Variants in CUBN observed in about 807,000 individuals in gnomAD.
CUBN encodes the protein 460 kDa receptor.
Under a neutral mutation model 405.3 loss-of-function variants are expected in CUBN, and 282 were observed. The ratio of observed to expected loss-of-function variants is 0.70; its 90% CI spans 0.63 to 0.77. The LOEUF (loss-of-function observed/expected upper bound fraction) is 0.77, where lower values mean the gene tolerates loss of function less well. CUBN is among the 30% of genes least tolerant of loss of function. The probability of loss-of-function intolerance (pLI) is 0.00; values close to 1 mark genes in which losing one functional copy is unlikely to be tolerated. For synonymous variants in CUBN, 1,684 were observed against 1,617.0 expected (o/e 1.04, Z -0.99); for missense variants, 4,514 against 4,475.2 (o/e 1.01, Z -0.25).
intron 31 of CUBN, among the ~76,000 whole-genome samples, chr10:16,962,515 C>G (rs572004557): frequency 1.4e-4 from 22 of 152,248 alleles, no homozygotes; most frequent in Admixed American, 3.9e-4. Flanking sequence ...GTATTCATGC[C>G]TCTGTGTAAT....
chr10:16,879,158 T>C (rs1245380376), intron 56 of CUBN, among the ~76,000 whole-genome samples: 1 of 152,216 alleles, frequency 6.6e-6, no homozygotes, highest in Non-Finnish European at 1.5e-5. Context: ...CTCATAGTAG[T>C]TACATCAGTA....
intron 62 of CUBN, among the ~76,000 whole-genome samples, chr10:16,836,764 C>G (rs572140257): frequency 6.6e-6 from 1 of 152,322 alleles, no homozygotes; most frequent in East Asian, 1.9e-4. Context: ...ATGGGACTAA[C>G]AACCACCATC....
intron 6 of CUBN, among the ~76,000 whole-genome samples, chr10:17,117,365 C>T (rs527545811): frequency 6.6e-6 from 1 of 152,060 alleles, no homozygotes; most frequent in Admixed American, 6.5e-5. Context: ...GTTTAAGAAT[C>T]TTTTTTATTT....
chr10:17,104,643 T>A (rs1449638662), intron 11 of CUBN, 38 bp from the exon 12 acceptor site: 1 of 1,517,562 alleles, frequency 6.6e-7, no homozygotes, highest in Admixed American at 1.7e-5. Flanking sequence ...ATAAAACAAA[T>A]GGATAGACAC....
chr10:16,924,872 C>T (rs1286569553), intron 43 of CUBN, among the ~76,000 whole-genome samples: 1 of 152,018 alleles, frequency 6.6e-6, no homozygotes, highest in Non-Finnish European at 1.5e-5. Context: ...AAATGTAAGT[C>T]TTATAATGTT....
rs1453319474 is a variant in CUBN at position 17,114,116 on chromosome 10, T to A, written c.794A>T (p.Asp265Val). The A allele has an allele frequency of 6.2e-7, 1 of 1,613,634 alleles. No homozygotes were observed. Among genetic ancestry groups the A allele is most frequent in the Non-Finnish European group, 8.5e-7 (1 of 1,179,824 alleles). ...PNSPACTLDR[D>V]ECSFQPGPCS... is the part of the protein sequence containing the mutation. ...AGGCCCGGGCTGGAAGCTGCACTCGTCTCTGTCCAGCGTGCAGGCAGGGCT... is the reference window on the plus strand; with the variant it reads ...AGGCCCGGGCTGGAAGCTGCACTCGACTCTGTCCAGCGTGCAGGCAGGGCT... The change falls in exon 8 of 67, where the codon GAC (aspartate) becomes GTC (valine). Residue 265 changes from aspartate to valine, a missense_variant. Physicochemically the swap from Asp to Val is radical, Grantham distance 152 (BLOSUM62 -3). Around this residue, in one of 5 missense-constraint regions of CUBN, gnomAD observed 1,448 missense variants for 1,388.0 expected, o/e 1.04. Coordinates refer to ENST00000377833, the MANE Select transcript of CUBN (RefSeq NM_001081.4).
At chr10:17,048,716 G>A (rs1466093490) in intron 22 of CUBN, among the ~76,000 whole-genome samples, 1 of 152,014 alleles carries the variant, frequency 6.6e-6, no homozygotes, top group African/African-American at 2.4e-5. Flanking sequence ...AGTAGACAGA[G>A]GTCTCCTACT....
chr10:17,023,577 G>A, intron 27 of CUBN: 1 of 455,788 alleles, frequency 2.2e-6, no homozygotes. Flanking sequence ...CCGTCTCACT[G>A]ATTCTGATTC....
chr10:16,959,354 G>A lies in CUBN; in HGVS notation c.4696-4806C>T, dbSNP rs184167892. Among the ~76,000 whole-genome samples, 31 of 152,182 alleles carry A rather than the reference G, an allele frequency of 2.0e-4. No homozygotes were observed. In the East Asian group the frequency reaches 2.7e-3, roughly 13 times the overall value. On this transcript the variant is annotated intron_variant, in intron 31 of 66. Coordinates refer to ENST00000377833, the MANE Select transcript of CUBN (RefSeq NM_001081.4). ...TATCAAATCATTATTCTCAGGCTTC[G>A]TGTGGTGGTTCACGCCTGTAATCCC...
intron 52 of CUBN, 41 bp downstream of exon 52, chr10:16,901,297 C>G: frequency 1.2e-6 from 2 of 1,613,856 alleles, no homozygotes; most frequent in Non-Finnish European, 1.7e-6. Flanking sequence ...TATTGTGGTT[C>G]TATTGTCTCA....
At chr10:17,128,298 T>C (rs752994120) in intron 2 of CUBN, among the ~76,000 whole-genome samples, 4 of 152,198 alleles carry the variant, frequency 2.6e-5, no homozygotes, top group Non-Finnish European at 4.4e-5. Flanking sequence ...CTTTACCTCT[T>C]GTAAAACTAG....
rs889438352 is a variant in CUBN, at chr10:16,829,650, AT to A, written c.10529-611del. Among the ~76,000 whole-genome samples the A allele has an allele frequency of 1.2e-4, 18 of 152,288 alleles. 1 individual carries two copies. Among genetic ancestry groups the A allele is most frequent in the African/African-American group, 3.8e-4 (16 of 41,564 alleles). On this transcript the variant is annotated intron_variant, in intron 65 of 66. Transcript: ENST00000377833. ...TAATCTGTATATGAAGGCTGTCATG[AT>A]TTAGACTATATATCTGTGGAGATCC...
In CUBN at chr10:16,918,818, T is replaced by G; in HGVS notation, c.6822-18A>C. On this transcript the variant is annotated intron_variant, in intron 44 of 66. Transcript: ENST00000377833. ...AAGTACAGCTGAAGTGGGAACAAAA[T>G]TCTGTTAAATTTACATGGTCAGATG... is the stretch of plus-strand genomic sequence containing the variant. 1 of 1,611,000 alleles carries G rather than the reference T, an allele frequency of 6.2e-7. No homozygotes were observed. The highest frequency in any genetic ancestry group is 8.5e-7 in the Non-Finnish European group (1 of 1,177,840).
chr10:16,999,876 C>T (rs1833831991), intron 28 of CUBN, among the ~76,000 whole-genome samples: 1 of 152,204 alleles, frequency 6.6e-6, no homozygotes. Context: ...CTTCCCTCAC[C>T]TCCTCCAACC....
chr10:16,894,313 A>AC (rs1392675863), intron 54 of CUBN, among the ~76,000 whole-genome samples: 1 of 150,642 alleles, frequency 6.6e-6, no homozygotes, highest in Non-Finnish European at 1.5e-5. Context: ...GACATCTGCT[A>AC]TTTTTTTTTC....
intron 17 of CUBN, among the ~76,000 whole-genome samples, chr10:17,081,700 G>A (rs894253607): frequency 6.6e-6 from 1 of 152,098 alleles, no homozygotes; most frequent in Admixed American, 6.6e-5. Context: ...GGATAGAGAT[G>A]ATTTAAAGAC....
rs758440963 is a variant in CUBN, at chr10:16,906,333, T to C, written c.7782A>G (p.Ser2594=). The C allele has an allele frequency of 6.2e-7, 1 of 1,614,006 alleles. No individual in the cohort carries two copies. The change falls in exon 50 of 67, where the codon TCA becomes TCG. Residue 2594 remains serine, a synonymous_variant. Coordinates refer to ENST00000377833, the MANE Select transcript of CUBN (RefSeq NM_001081.4). The stretch of plus-strand genomic sequence containing the variant: ...GAGTCCATTCGCAGTTCAGGTTTCT[T>C]GAGTAATTCCTGACTCCGTCATAGC... The part of the protein sequence containing the change: ...SPGYDGVRNY[S]RNLNCEWTLS...
chr10:16,956,977 A>G (rs1263024214), intron 31 of CUBN, among the ~76,000 whole-genome samples: 1 of 152,188 alleles, frequency 6.6e-6, no homozygotes, highest in African/African-American at 2.4e-5. Context: ...AAATCATGGT[A>G]TTCAGCATGT....
At chr10:17,123,134 T>C (rs1055642845) in intron 5 of CUBN, among the ~76,000 whole-genome samples, 1 of 152,118 alleles carries the variant, frequency 6.6e-6, no homozygotes, top group Non-Finnish European at 1.5e-5. Flanking sequence ...GGAATCCTTA[T>C]CTAAACATAA....
Sources: allele counts gnomAD v4.1 joint callset (sites outside exome capture counted in the v4.1 genomes callset), GRCh38; gene constraint gnomAD v4.1.1; regional missense constraint gnomAD v4.1.1; transcripts MANE v1.5; gene names NCBI Gene and HGNC (gene_info 2026-07-23, HGNC 2026-07-21).